RBFOX1: variants seen among roughly 807,000 people sequenced by gnomAD.
RBFOX1 encodes RNA binding protein fox-1 homolog 1.
In RBFOX1, 8 loss-of-function variants were observed where a neutral mutation model predicts 57.7. The ratio of observed to expected loss-of-function variants is 0.14; its 90% CI spans 0.08 to 0.25. The LOEUF is 0.25. RBFOX1 is among the 10% of genes least tolerant of loss of function. The probability of loss-of-function intolerance (pLI) is 1.00; values close to 1 mark genes in which losing one functional copy is unlikely to be tolerated. For missense variants in RBFOX1, 611 were observed against 548.5 expected, an observed-to-expected ratio of 1.11 and a Z score of -1.14; for synonymous variants, 326 against 222.4, an observed-to-expected ratio of 1.47 and a Z score of -4.15.
rs536624185 is a variant in RBFOX1 at position 7,247,303 on chromosome 16, A to T, written c.27+195205A>T. ...CGCTGCCGGTTAACATTCCTTAACCAAAGCAAGTCTCACAGACACACCCGC... is the reference window on the plus strand; with the variant it reads ...CGCTGCCGGTTAACATTCCTTAACCTAAGCAAGTCTCACAGACACACCCGC... On this transcript the variant is annotated intron_variant, in intron 4 of 15. Transcript: ENST00000550418. Among the ~76,000 whole-genome samples the T allele has an allele frequency of 5.3e-5, 8 of 152,284 alleles. 1 individual carries two copies. The highest frequency in any genetic ancestry group is 6.8e-3 in the Middle Eastern group (2 of 294).
Position 6,980,410 on chromosome 16 carries a change from C to T in RBFOX1, c.-15-71647C>T, listed in dbSNP as rs77277931. Among the ~76,000 whole-genome samples, 1,202 of 152,164 alleles carry T rather than the reference C, an allele frequency of 7.9e-3. 18 individuals carry two copies. The highest frequency in any genetic ancestry group is 0.027 in the African/African-American group (1,115 of 41,500). The stretch of plus-strand genomic sequence containing the variant: ...TTTTTCCTTCATGAGAGTTTACTTG[C>T]CATTTTCAAACACAGAAAGATATGT... On this transcript the variant is annotated intron_variant, in intron 3 of 15. Coordinates refer to ENST00000550418, the MANE Select transcript of RBFOX1 (RefSeq NM_018723.4).
chr16:6,969,517 T>G (rs1303761137), intron 3 of RBFOX1, among the ~76,000 whole-genome samples: 1 of 152,042 alleles, frequency 6.6e-6, no homozygotes, highest in East Asian at 1.9e-4. Flanking sequence ...GGTGGATCGA[T>G]TGAGCTCGGG....
intron 3 of RBFOX1, among the ~76,000 whole-genome samples, chr16:6,875,013 G>T (rs928350122): frequency 6.6e-6 from 1 of 152,212 alleles, no homozygotes; most frequent in Non-Finnish European, 1.5e-5. Flanking sequence ...AAGTTGGGCA[G>T]AAAATGGGGA....
In RBFOX1 at chr16:5,983,030, C is replaced by T. The variant is rs143711255; in HGVS notation, c.351+115695C>T. Among the ~76,000 whole-genome samples, 58 of 152,232 alleles carry T rather than the reference C, an allele frequency of 3.8e-4. No homozygotes were observed. In the East Asian group the frequency reaches 8.9e-3, roughly 23 times the overall value. ...TGTCAGGTAAGAGGGTCACACAGAC[C>T]GCCTCTAAGTCATCCCAGCGCTGAT... On this transcript the variant is annotated intron_variant, in intron 4 of 19. Transcript: ENST00000641259.
chr16:7,182,573 G>T (rs1030677644), intron 4 of RBFOX1, among the ~76,000 whole-genome samples: 13 of 152,122 alleles, frequency 8.5e-5, no homozygotes, highest in African/African-American at 3.1e-4. Context: ...CTGTTGCAAA[G>T]AACAGAAACC....
chr16:6,916,798 A>G (rs1309102994), intron 3 of RBFOX1, among the ~76,000 whole-genome samples: 2 of 152,034 alleles, frequency 1.3e-5, no homozygotes, highest in Admixed American at 6.6e-5. Context: ...GCTGAGTTCA[A>G]ACTTCGAAGT....
chr16:6,952,727 C>G (rs550452533), intron 3 of RBFOX1, among the ~76,000 whole-genome samples: 2 of 152,172 alleles, frequency 1.3e-5, no homozygotes, highest in East Asian at 3.9e-4. Context: ...CCTGTCAGCT[C>G]AGCACTTTGG....
chr16:7,352,779 G>A (rs1025800118), intron 4 of RBFOX1, among the ~76,000 whole-genome samples: 6 of 152,034 alleles, frequency 3.9e-5, no homozygotes, highest in African/African-American at 4.8e-5. Flanking sequence ...GCAGTGGTGC[G>A]ATCATGGCTC....
chr16:7,654,145 T>A (rs2065762674), intron 12 of RBFOX1, among the ~76,000 whole-genome samples, 198 bp downstream of exon 12: 1 of 152,188 alleles, frequency 6.6e-6, no homozygotes, highest in African/African-American at 2.4e-5. Flanking sequence ...ATTTGTCCTG[T>A]CATGGTTGGT....
At chr16:7,658,398 CAGAGT>C (rs1555728321) in intron 12 of RBFOX1, among the ~76,000 whole-genome samples, 5 of 152,068 alleles carry the variant, frequency 3.3e-5, no homozygotes, top group East Asian at 1.9e-4. Context: ...AGTCACAGAG[CAGAGT>C]AGAGTTTTCC....
intron 3 of RBFOX1, among the ~76,000 whole-genome samples, chr16:5,716,626 C>T (rs751288093): frequency 2.0e-5 from 3 of 152,224 alleles, no homozygotes; most frequent in Non-Finnish European, 4.4e-5. Flanking sequence ...TAAATTAGTT[C>T]AGCCATCGTG....
intron 3 of RBFOX1, among the ~76,000 whole-genome samples, chr16:6,962,914 T>C (rs1359111952): frequency 6.6e-6 from 1 of 151,692 alleles, no homozygotes; most frequent in East Asian, 1.9e-4. Flanking sequence ...GATGGGGTGA[T>C]TTGGGTGGGC....
In RBFOX1 at chr16:6,951,772, C is replaced by G. The variant is rs370544709; in HGVS notation, c.-15-100285C>G. On this transcript the variant is annotated intron_variant, in intron 3 of 15. Coordinates refer to ENST00000550418, the MANE Select transcript of RBFOX1 (RefSeq NM_018723.4). ...CTTTTGAGATGGAGTCTCGCTCTTTCGCCCAGACTGGAGTGCAGTGGCATA... is the reference window on the plus strand; with the variant it reads ...CTTTTGAGATGGAGTCTCGCTCTTTGGCCCAGACTGGAGTGCAGTGGCATA... Among the ~76,000 whole-genome samples, 6 of 152,042 alleles carry G rather than the reference C, an allele frequency of 3.9e-5. 1 individual carries two copies. In the South Asian group the frequency reaches 8.3e-4, roughly 21 times the overall value.
In RBFOX1 at chr16:6,791,633, C is replaced by T. The variant is rs879729514; in HGVS notation, c.-16+136983C>T. Among the ~76,000 whole-genome samples, 9 of 152,252 alleles carry T rather than the reference C, an allele frequency of 5.9e-5. No individual in the cohort carries two copies. In the East Asian group the frequency reaches 1.5e-3, roughly 26 times the overall value. On this transcript the variant is annotated intron_variant, in intron 3 of 15. Coordinates refer to ENST00000550418, the MANE Select transcript of RBFOX1 (RefSeq NM_018723.4). The stretch of plus-strand genomic sequence containing the variant: ...AATCAGCCAGGTGTAGTGGTGCGTG[C>T]TTGTAGTCCCAGCTACTCGGGAGGC...
At chr16:7,564,539 T>A (rs1383934837) in intron 5 of RBFOX1, among the ~76,000 whole-genome samples, 1 of 13,388 alleles carries the variant, frequency 7.5e-5, no homozygotes, top group South Asian at 4.2e-3. Flanking sequence ...AGACTCCATC[T>A]CAAAAAAAAA....
chr16:6,907,733 G>C (rs2070419923), intron 3 of RBFOX1, among the ~76,000 whole-genome samples: 1 of 151,816 alleles, frequency 6.6e-6, no homozygotes, highest in East Asian at 1.9e-4. Context: ...ACCATGCTTG[G>C]CTTATTTTTT....
intron 1 of RBFOX1, among the ~76,000 whole-genome samples, chr16:5,438,984 CTT>C (rs1330843400): frequency 1.4e-5 from 2 of 145,728 alleles, no homozygotes. Flanking sequence ...CATGTGACCA[CTT>C]ATACTGCATA....
At chr16:5,291,453 C>T (rs1322894316) in intron 1 of RBFOX1, among the ~76,000 whole-genome samples, 2 of 152,086 alleles carry the variant, frequency 1.3e-5, no homozygotes, top group African/African-American at 2.4e-5. Flanking sequence ...TTAGTGGAGA[C>T]GGGGTTTCAC....
At chr16:5,904,912 G>A (rs2058412991) in intron 4 of RBFOX1, among the ~76,000 whole-genome samples, 3 of 146,592 alleles carry the variant, frequency 2.0e-5, no homozygotes, top group Admixed American at 1.4e-4. Context: ...GGGAGGCGGA[G>A]CTTGCAGTGA....
Sources: gnomAD v4.1 joint callset for allele counts (sites outside exome capture counted in the v4.1 genomes callset) on GRCh38, gnomAD v4.1.1 for gene constraint, MANE v1.5 for transcripts, NCBI Gene and HGNC (gene_info 2026-07-23, HGNC 2026-07-21) for gene names.